The following URB2 variants were observed in gnomAD, a reference collection of about 807,000 sequenced individuals.
The protein encoded by URB2 is unhealthy ribosome biogenesis protein 2 homolog.
A neutral mutation model predicts 120.9 loss-of-function variants in URB2; 86 were observed. The observed-to-expected ratio is 0.71, with a 90% CI of 0.60 to 0.85. The LOEUF is 0.85. Ranked by LOEUF, URB2 falls within the 40% of genes least tolerant of loss-of-function variation. The probability of loss-of-function intolerance (pLI) is 0.00; values close to 1 mark genes in which losing one functional copy is unlikely to be tolerated. For missense variants in URB2, 1,765 were observed against 1,836.5 expected (o/e 0.96, Z 0.71); for synonymous variants, 755 against 758.4 (o/e 1.00, Z 0.07).
At chr1:229,634,841 T>A in intron 3 of URB2, 76 bp from the exon 4 acceptor site, 2 of 1,338,598 alleles carry the variant, frequency 1.5e-6, no homozygotes, top group Non-Finnish European at 2.0e-6. Context: ...TTTGTTGATT[T>A]TTTTTTTTAA....
intron 8 of URB2, 36 bp downstream of exon 8, chr1:229,651,358 T>C: frequency 1.3e-6 from 2 of 1,582,434 alleles, no homozygotes; most frequent in Non-Finnish European, 1.7e-6. Context: ...GTTTCAAATA[T>C]ATTCATCATG....
rs761670602 is a variant in URB2 at position 229,635,271 on chromosome 1, G to A, written c.658G>A (p.Ala220Thr). ...ACTCTCTGGGGGCACATGGACGCAGGCTGGCCAGGGCCAGCTGAGGCAGGT... is the reference window on the plus strand; with the variant it reads ...ACTCTCTGGGGGCACATGGACGCAGACTGGCCAGGGCCAGCTGAGGCAGGT... ...HLLSGGTWTQAGQGQLRQVLS... is the reference protein window; with the variant it reads ...HLLSGGTWTQTGQGQLRQVLS... The change falls in exon 4 of 10, where the codon GCT becomes ACT. Residue 220 changes from alanine (A) to threonine (T), a missense_variant. Physicochemically the swap from Ala to Thr is moderately conservative, Grantham distance 58. Coordinates refer to ENST00000258243, the MANE Select transcript of URB2 (RefSeq NM_014777.4). The A allele has an allele frequency of 2.0e-5, 32 of 1,614,096 alleles. No individual in the cohort carries two copies. The South Asian group carries it at 2.5e-4, about 13-fold the overall frequency.
Position 229,636,903 on chromosome 1 carries a change from A to G in URB2, c.2290A>G (p.Ser764Gly), listed in dbSNP as rs1665850223. 1 of 1,611,830 alleles carries G rather than the reference A, an allele frequency of 6.2e-7. No homozygotes were observed. The highest frequency in any genetic ancestry group is 8.5e-7 in the Non-Finnish European group (1 of 1,178,620). The change falls in exon 4 of 10, where the codon AGT (serine) becomes GGT (glycine). Residue 764 changes from serine to glycine, a missense_variant. By Grantham distance (56) the Ser-to-Gly change is moderately conservative. Coordinates refer to ENST00000258243, the MANE Select transcript of URB2 (RefSeq NM_014777.4). ...TCCAGATGATGTGGGATACCTGGCC[A>G]GTGTCCTGCTGAGAACTTTACCCAT... ...LCPDDVGYLA[S>G]VLLRTLPMGK...
rs771673190 is a variant in URB2 at position 229,659,593 on chromosome 1, TCTCGTCTTG to T, written c.*297_*305del. 1 of 250,670 alleles carries T rather than the reference TCTCGTCTTG, an allele frequency of 4.0e-6. No individual in the cohort carries two copies. The highest frequency in any genetic ancestry group is 7.7e-6 in the Non-Finnish European group (1 of 129,314). The allele number at this position is 250,670 out of a possible 1,614,324, so 15.5% of individuals were successfully genotyped here. On this transcript the variant is annotated 3_prime_UTR_variant, in exon 10 of 10. Transcript: ENST00000258243. The stretch of plus-strand genomic sequence containing the variant: ...CTCTTGGGACCTTTCTGTGTTTGGT[TCTCGTCTTG>T]GCTCAGTGGTTTGGTGTTCCCTCGT...
Position 229,627,739 on chromosome 1 carries a change from T to C in URB2, c.106T>C (p.Phe36Leu). The C allele has an allele frequency of 1.9e-6, 3 of 1,610,482 alleles. No homozygotes were observed. Among genetic ancestry groups the C allele is most frequent in the Non-Finnish European group, 2.5e-6 (3 of 1,178,258 alleles). The change falls in exon 2 of 10, where the codon TTT (phenylalanine) becomes CTT (leucine). Residue 36 changes from phenylalanine (F) to leucine (L), a missense_variant. Phe to Leu is a conservative substitution (Grantham distance 22, BLOSUM62 0). Coordinates refer to ENST00000258243, the MANE Select transcript of URB2 (RefSeq NM_014777.4). The part of the protein sequence containing the change: ...AHFAWISHQC[F>L]LPNKEQVLLD... ...CTTTGCTTGGATTTCTCACCAGTGC[T>C]TTCTTCCAAATAAAGAACAAGTAAG...
intron 7 of URB2, among the ~76,000 whole-genome samples, chr1:229,648,642 T>G (rs1424244737): frequency 6.6e-6 from 1 of 152,236 alleles, no homozygotes; most frequent in African/African-American, 2.4e-5. Context: ...ATGAGTAAAC[T>G]GAGGCTCAGT....
In URB2 at chr1:229,637,244, G is replaced by C. The variant is rs1472379254; in HGVS notation, c.2631G>C (p.Leu877=). 1 of 1,613,798 alleles carries C rather than the reference G, an allele frequency of 6.2e-7. No homozygotes were observed. Among genetic ancestry groups the C allele is most frequent in the Admixed American group, 1.7e-5 (1 of 59,970 alleles). ...RGEIAQNLLS[L]VKSDFPIQLE... is the part of the protein sequence containing the mutation. Reference sequence around the variant, plus strand: ...AAATTGCCCAGAACTTACTGTCCCTGGTCAAGAGTGACTTCCCTATCCAGC... The same window carrying C: ...AAATTGCCCAGAACTTACTGTCCCTCGTCAAGAGTGACTTCCCTATCCAGC... Residue 877 remains leucine (L), a synonymous_variant, in exon 4 of 10, where the codon CTG becomes CTC. Transcript: ENST00000258243.
chr1:229,647,145 C>T (rs1016016160), intron 6 of URB2, among the ~76,000 whole-genome samples: 3 of 152,132 alleles, frequency 2.0e-5, no homozygotes, highest in Non-Finnish European at 4.4e-5. Flanking sequence ...AGCAGGGGTC[C>T]GCACAGCCAG....
At chr1:229,655,011 G>A (rs1571884660) in intron 9 of URB2, among the ~76,000 whole-genome samples, 3 of 152,290 alleles carry the variant, frequency 2.0e-5, no homozygotes, top group Non-Finnish European at 4.4e-5. Context: ...AGAAAGAGGA[G>A]TTCTAGACCT....
rs761530242 is a variant in URB2, at chr1:229,635,939, G to C, written c.1326G>C (p.Glu442Asp). Residue 442 changes from glutamate (E) to aspartate (D), a missense_variant, in exon 4 of 10, where the codon GAG (glutamate) becomes GAC (aspartate). Physicochemically the swap from Glu to Asp is conservative, Grantham distance 45 (BLOSUM62 2). Transcript: ENST00000258243. ...ASAWIDAEVT[E>D]FRTKKAQEAL... is the part of the protein sequence containing the mutation. ...CGTGGATCGATGCCGAGGTAACAGA[G>C]TTTCGAACCAAAAAAGCCCAGGAGG... is the stretch of plus-strand genomic sequence containing the variant. 6.2e-7 allele frequency: 1 copy of C among 1,614,198 alleles called. No homozygotes were observed. The highest frequency in any genetic ancestry group is 2.2e-5 in the East Asian group (1 of 44,890).
intron 4 of URB2, among the ~76,000 whole-genome samples, chr1:229,639,568 C>T (rs1280665372): frequency 6.6e-6 from 1 of 152,096 alleles, no homozygotes; most frequent in African/African-American, 2.4e-5. Context: ...GATATCCTGA[C>T]CTCATTATCC....
rs563551461 is a variant in URB2, at chr1:229,643,161, C to G, written c.3635-372C>G. On this transcript the variant is annotated intron_variant, in intron 4 of 9. Coordinates refer to ENST00000258243, the MANE Select transcript of URB2 (RefSeq NM_014777.4). The stretch of plus-strand genomic sequence containing the variant: ...GGAGGAAGAGGAGGGGTTGGTCTTG[C>G]AGTCTCAGGGGTGCTAGAGGCAGAA... Among the ~76,000 whole-genome samples the G allele has an allele frequency of 2.0e-5, 3 of 152,338 alleles. No homozygotes were observed. The South Asian group carries it at 6.2e-4, about 32-fold the overall frequency.
intron 4 of URB2, among the ~76,000 whole-genome samples, chr1:229,641,866 C>T (rs1386809561): frequency 2.6e-5 from 4 of 151,950 alleles, no homozygotes; most frequent in Admixed American, 6.6e-5. Flanking sequence ...TACAAAAAGC[C>T]GGTGTGGGTA....
At chr1:229,634,809 C>G in intron 3 of URB2, 108 bp from the exon 4 acceptor site, 3 of 1,042,526 alleles carry the variant, frequency 2.9e-6, no homozygotes, top group Non-Finnish European at 3.9e-6. Flanking sequence ...TCTTTCTTAC[C>G]AAGATGAGGG....
At chr1:229,654,572 A>T (rs1467555000) in intron 9 of URB2, among the ~76,000 whole-genome samples, 184 bp downstream of exon 9, 25 of 152,168 alleles carry the variant, frequency 1.6e-4, no homozygotes, top group African/African-American at 6.0e-4. Context: ...AGCACACTAC[A>T]GCCTCGAACT....
At chr1:229,639,963 C>T (rs1302872150) in intron 4 of URB2, among the ~76,000 whole-genome samples, 1 of 152,030 alleles carries the variant, frequency 6.6e-6, no homozygotes, top group Non-Finnish European at 1.5e-5. Flanking sequence ...AAGACAAGGG[C>T]TAGAAATATC....
intron 4 of URB2, among the ~76,000 whole-genome samples, chr1:229,639,092 T>C (rs1358526996): frequency 1.3e-5 from 2 of 151,998 alleles, no homozygotes; most frequent in Non-Finnish European, 2.9e-5. Flanking sequence ...AGGGGGCAGA[T>C]TGCTTGAGTC....
Position 229,647,460 on chromosome 1 carries a change from T to C in URB2, c.3907-50T>C, listed in dbSNP as rs375682906. ...CTCAGAGCTGCAGTGTTTGTGTTAT[T>C]TCCTTGGGGAATTACTTTCATTTTT... On this transcript the variant is annotated intron_variant, in intron 6 of 9. Coordinates refer to ENST00000258243, the MANE Select transcript of URB2 (RefSeq NM_014777.4). The C allele has an allele frequency of 3.1e-4, 486 of 1,584,604 alleles. 1 individual carries two copies. Among genetic ancestry groups the C allele is most frequent in the Admixed American group, 4.3e-4 (25 of 58,552 alleles).
chr1:229,647,547 C>T lies in URB2; in HGVS notation c.3944C>T (p.Ser1315Phe), dbSNP rs750443899. Reference protein sequence around the residue: ...NREASQEQPVSLTVVGPVLDV... With the variant: ...NREASQEQPVFLTVVGPVLDV... ...GAAGCTTCTCAGGAGCAGCCTGTGT[C>T]CCTCACAGTGGTCGGGCCTGTCTTA... is the stretch of plus-strand genomic sequence containing the variant. The change falls in exon 7 of 10, where the codon TCC becomes TTC. Residue 1315 changes from serine (S) to phenylalanine (F), a missense_variant. By Grantham distance (155) the Ser-to-Phe change is radical (BLOSUM62 -2). Transcript: ENST00000258243. 2 of 1,614,186 alleles carry T rather than the reference C, an allele frequency of 1.2e-6. No homozygotes were observed. The highest frequency in any genetic ancestry group is 1.7e-6 in the Non-Finnish European group (2 of 1,180,046).
Sources: gnomAD v4.1 joint callset for allele counts (sites outside exome capture counted in the v4.1 genomes callset) on GRCh38, gnomAD v4.1.1 for gene constraint, MANE v1.5 for transcripts, NCBI Gene and HGNC (gene_info 2026-07-23, HGNC 2026-07-21) for gene names.